The following MGAT5 variants were observed in gnomAD, a reference collection of about 807,000 sequenced individuals.
The protein encoded by MGAT5 is alpha-1,6-mannosylglycoprotein 6-beta-N-acetylglucosaminyltransferase A.
Under a neutral mutation model 94.3 loss-of-function variants are expected in MGAT5, and 30 were observed. That is an observed-to-expected ratio of 0.32 (90% CI 0.24 to 0.43). The LOEUF is 0.43. Ranked by LOEUF, MGAT5 falls within the 20% of genes least tolerant of loss-of-function variation. The pLI is 1.00. For missense variants in MGAT5, 691 were observed against 905.5 expected, an observed-to-expected ratio of 0.76 and a Z score of 3.04; for synonymous variants, 310 against 322.9, an observed-to-expected ratio of 0.96 and a Z score of 0.43.
chr2:134,178,095 C>G (rs2105154831), intron 1 of MGAT5, among the ~76,000 whole-genome samples: 1 of 150,138 alleles, frequency 6.7e-6, no homozygotes, highest in East Asian at 1.9e-4. Flanking sequence ...TTGTTTTTTT[C>G]TCTCAAAAAA....
chr2:134,311,038 A>G (rs1216752208), intron 2 of MGAT5, among the ~76,000 whole-genome samples: 1 of 152,234 alleles, frequency 6.6e-6, no homozygotes, highest in Non-Finnish European at 1.5e-5. Flanking sequence ...TGTCTGACAC[A>G]AAATAGAATT....
chr2:134,208,901 G>A (rs908031575), intron 1 of MGAT5, among the ~76,000 whole-genome samples: 3 of 152,280 alleles, frequency 2.0e-5, no homozygotes. Flanking sequence ...ATAAATAACC[G>A]AGAGAATCAA....
intron 1 of MGAT5, among the ~76,000 whole-genome samples, chr2:134,233,461 A>G (rs1219344644): frequency 1.3e-5 from 2 of 152,168 alleles, no homozygotes; most frequent in East Asian, 1.9e-4. Context: ...TTACAGTAAC[A>G]TTTTGCTGAC....
chr2:134,153,827 C>T (rs1176006825), intron 1 of MGAT5, among the ~76,000 whole-genome samples: 4 of 152,034 alleles, frequency 2.6e-5, no homozygotes, highest in Non-Finnish European at 2.9e-5. Context: ...TTAACTCTTG[C>T]TTATGGTTCC....
chr2:134,179,567 T>A (rs575294928), intron 1 of MGAT5, among the ~76,000 whole-genome samples: 41 of 152,318 alleles, frequency 2.7e-4, no homozygotes, highest in African/African-American at 9.9e-4. Flanking sequence ...GCTGTCCTAT[T>A]ATCAGCTTAT....
chr2:134,237,148 T>TGTGTGTGTGTGTGTGTGTGTGTGCGC (rs374914892), intron 1 of MGAT5, among the ~76,000 whole-genome samples: 1 of 140,744 alleles, frequency 7.1e-6, no homozygotes, highest in East Asian at 2.7e-4. Flanking sequence ...TGTGTGTGTG[T>TGTGTGTGTGTGTGTGTGTGTGTGCGC]GCGCGTGTGT....
chr2:134,174,056 C>T (rs17712107), intron 1 of MGAT5, among the ~76,000 whole-genome samples: 27,528 of 152,154 alleles, frequency 0.18, 2,739 homozygotes, highest in South Asian at 0.24. Context: ...TCAGTTTAGA[C>T]TGGGGAAGAG....
intron 1 of MGAT5, among the ~76,000 whole-genome samples, chr2:134,125,158 C>A (rs1325765174): frequency 6.6e-6 from 1 of 152,086 alleles, no homozygotes; most frequent in East Asian, 1.9e-4. Context: ...TGAAAAAAAT[C>A]CACCTTCTCC....
At chr2:134,252,373 G>A (rs72976124), upstream of MGAT5, among the ~76,000 whole-genome samples, 878 of 152,312 alleles carry the variant, frequency 5.8e-3, 12 homozygotes, top group African/African-American at 0.019. Flanking sequence ...AGGAACTTAC[G>A]TTATGATAGT....
intron 7 of MGAT5, among the ~76,000 whole-genome samples, chr2:134,342,168 G>A (rs1454185360): frequency 1.3e-5 from 2 of 152,122 alleles, no homozygotes; most frequent in African/African-American, 4.8e-5. Context: ...ATTCAATTTG[G>A]ATAGAATAAA....
intron 1 of MGAT5, among the ~76,000 whole-genome samples, chr2:134,193,124 T>A (rs1440480090): frequency 2.9e-5 from 4 of 139,074 alleles, no homozygotes; most frequent in Non-Finnish European, 4.5e-5. Flanking sequence ...TTTTATTTTT[T>A]ATTTTTTTTT....
intron 10 of MGAT5, among the ~76,000 whole-genome samples, chr2:134,394,623 T>G (rs1682603742): frequency 6.6e-6 from 1 of 152,232 alleles, no homozygotes; most frequent in Non-Finnish European, 1.5e-5. Context: ...CATATTATTT[T>G]TAATTTATTC....
chr2:134,148,641 G>A (rs1363934750), intron 1 of MGAT5, among the ~76,000 whole-genome samples: 4 of 151,978 alleles, frequency 2.6e-5, no homozygotes, highest in Admixed American at 2.6e-4. Flanking sequence ...CATTATCCAC[G>A]ATGAGATTAT....
chr2:134,411,730 G>T (rs969374381), intron 11 of MGAT5, among the ~76,000 whole-genome samples: 1 of 152,216 alleles, frequency 6.6e-6, no homozygotes, highest in African/African-American at 2.4e-5. Flanking sequence ...AGGAAAGCTG[G>T]TGAGAAGGAG....
intron 10 of MGAT5, among the ~76,000 whole-genome samples, chr2:134,400,868 A>G (rs1683007834): frequency 6.6e-6 from 1 of 152,096 alleles, no homozygotes; most frequent in Non-Finnish European, 1.5e-5. Context: ...GATGAGTGAA[A>G]TCCACACAGG....
intron 15 of MGAT5, 146 bp downstream of exon 15, chr2:134,442,061 T>TC: frequency 2.3e-6 from 2 of 888,746 alleles, no homozygotes; most frequent in Non-Finnish European, 3.5e-6. Flanking sequence ...TGCAGCAGGA[T>TC]CCCCCTAGAG....
At chr2:134,412,624 TC>T (rs1209211797) in intron 11 of MGAT5, among the ~76,000 whole-genome samples, 6 of 152,152 alleles carry the variant, frequency 3.9e-5, no homozygotes, top group African/African-American at 1.4e-4. Flanking sequence ...ATTTTTTAGT[TC>T]CTTGGTGGAG....
intron 1 of MGAT5, among the ~76,000 whole-genome samples, chr2:134,218,901 C>T (rs548659278): frequency 1.3e-4 from 20 of 152,284 alleles, no homozygotes; most frequent in Admixed American, 1.2e-3. Context: ...TTAAGCAATG[C>T]TTCATTCTGT....
intron 1 of MGAT5, among the ~76,000 whole-genome samples, chr2:134,242,891 A>G (rs1478995407): frequency 2.0e-5 from 3 of 152,108 alleles, no homozygotes; most frequent in African/African-American, 7.2e-5. Flanking sequence ...ATGATCTAAC[A>G]AGGCTCTGTG....
Sources: allele counts gnomAD v4.1 joint callset (sites outside exome capture counted in the v4.1 genomes callset), GRCh38; gene constraint gnomAD v4.1.1; transcripts MANE v1.5; gene names NCBI Gene and HGNC (gene_info 2026-07-23, HGNC 2026-07-21).